PRKACA: variants seen among roughly 807,000 people sequenced by gnomAD.
PRKACA encodes cAMP-dependent protein kinase catalytic subunit alpha.
In PRKACA, 9 loss-of-function variants were observed where a neutral mutation model predicts 45.8. The observed-to-expected ratio is 0.20, with a 90% CI of 0.12 to 0.34. PRKACA has a LOEUF of 0.34. Among genes scored for constraint, PRKACA ranks in the 10% least tolerant of loss-of-function variants. The probability of loss-of-function intolerance (pLI) is 1.00; values close to 1 mark genes in which losing one functional copy is unlikely to be tolerated. For synonymous variants in PRKACA, 160 were observed against 178.6 expected (o/e 0.90, Z 0.83); for missense variants, 238 against 458.6 (o/e 0.52, Z 4.39).
chr19:14,093,851 G>C lies in PRKACA; in HGVS notation c.766-59C>G, dbSNP rs1196571076. ...CTGGTCTGGAACTTGGGAAGCCCAT[G>C]ATGCTTCTTTCTCCATCCAACGGTC... is the stretch of plus-strand genomic sequence containing the variant. On this transcript the variant is annotated intron_variant, in intron 8 of 9. Coordinates refer to ENST00000308677, the MANE Select transcript of PRKACA (RefSeq NM_002730.4). The C allele has an allele frequency of 2.0e-6, 3 of 1,516,654 alleles. No individual in the cohort carries two copies. The African/African-American group carries it at 4.2e-5, about 21-fold the overall frequency. The allele number at this position is 1,516,654 out of a possible 1,614,324, so 93.9% of individuals were successfully genotyped here.
At chr19:14,107,296 G>C in intron 2 of PRKACA, 52 bp downstream of exon 2, 2 of 1,546,194 alleles carry the variant, frequency 1.3e-6, no homozygotes, top group Admixed American at 3.4e-5. Flanking sequence ...ACAGCCAGGG[G>C]CTGGGGGTTA....
At chr19:14,099,429 C>T (rs936932524) in intron 5 of PRKACA, among the ~76,000 whole-genome samples, 13 of 151,392 alleles carry the variant, frequency 8.6e-5, no homozygotes, top group African/African-American at 2.7e-4. Context: ...AGCGTGATCA[C>T]GGCTTATGCA....
intron 3 of PRKACA, among the ~76,000 whole-genome samples, chr19:14,103,845 C>T (rs761063752): frequency 1.3e-5 from 2 of 151,822 alleles, no homozygotes; most frequent in African/African-American, 4.8e-5. Context: ...GCAGGTAAAT[C>T]GCTTGAGCCC....
intron 1 of PRKACA, chr19:14,115,117 G>A (rs1967081231): frequency 2.0e-6 from 2 of 985,340 alleles, no homozygotes; most frequent in Admixed American, 6.1e-5. Context: ...GGAGCCTCTG[G>A]GAGGAAGTAC....
At position 14,109,211 on chromosome 19, in the gene PRKACA, G is replaced by A. The variant is rs901264305; in HGVS notation, c.47-1802C>T. ...AAAATAAAAAAATGAGGCCAGGCAC[G>A]GTGGGTCACACCTATAATCCCAGCA... On this transcript the variant is annotated intron_variant, in intron 1 of 9. Transcript: ENST00000308677. Among the ~76,000 whole-genome samples the A allele has an allele frequency of 2.6e-5, 4 of 151,852 alleles. No individual in the cohort carries two copies. In the East Asian group the frequency reaches 5.9e-4, roughly 22 times the overall value.
chr19:14,099,501 A>G (rs1478411916), intron 5 of PRKACA, among the ~76,000 whole-genome samples: 1 of 150,362 alleles, frequency 6.7e-6, no homozygotes, highest in Non-Finnish European at 1.5e-5. Flanking sequence ...AGGTGGGCTC[A>G]TGCAGTCTTG....
chr19:14,106,958 A>G (rs1284078721), intron 2 of PRKACA, 70 bp from the exon 3 acceptor site: 5 of 1,578,786 alleles, frequency 3.2e-6, no homozygotes, highest in East Asian at 2.3e-5. Flanking sequence ...GGTCTGGGGC[A>G]TCCCCTCTGC....
At chr19:14,107,586 G>C in intron 1 of PRKACA, 177 bp from the exon 2 acceptor site, 1 of 1,304,078 alleles carries the variant, frequency 7.7e-7, no homozygotes, top group Non-Finnish European at 1.0e-6. Flanking sequence ...CCTTGCTACA[G>C]AGAGGTGGGA....
rs766876286 is a variant in PRKACA, at chr19:14,106,901, G to A, written c.109-13C>T. The A allele has an allele frequency of 1.4e-5, 23 of 1,613,894 alleles. No homozygotes were observed. The East Asian group carries it at 5.1e-4, about 36-fold the overall frequency. On this transcript the variant is annotated splice_polypyrimidine_tract_variant and intron_variant, in intron 2 of 9. Coordinates refer to ENST00000308677, the MANE Select transcript of PRKACA (RefSeq NM_002730.4). ...AGTGGGCTGTGTTCTGTGGGCAGAG[G>A]GGTCGGTAGGCTCAGGGCACGCCCT...
chr19:14,102,670 G>C, intron 4 of PRKACA, 146 bp downstream of exon 4: 1 of 710,610 alleles, frequency 1.4e-6, no homozygotes, highest in African/African-American at 1.8e-5. Context: ...CCTGACTCCT[G>C]TCCCCTGATC....
At chr19:14,108,094 TAAC>T in intron 1 of PRKACA, 1 of 985,508 alleles carries the variant, frequency 1.0e-6, no homozygotes, top group Non-Finnish European at 1.2e-6. Context: ...TGTCTCCACT[TAAC>T]AACCCAGGAA....
intron 5 of PRKACA, among the ~76,000 whole-genome samples, chr19:14,099,012 C>T (rs534923829): frequency 3.9e-5 from 6 of 152,088 alleles, no homozygotes; most frequent in Non-Finnish European, 5.9e-5. Flanking sequence ...ACAAGGCCAG[C>T]GCGGTGGCCC....
chr19:14,096,597 G>T (rs1188327128), intron 8 of PRKACA: 2 of 155,242 alleles, frequency 1.3e-5, no homozygotes, highest in African/African-American at 2.4e-5. Context: ...AGGAGATGCT[G>T]GACCAAGTCG....
At chr19:14,095,600 CCT>C (rs1231261407) in intron 8 of PRKACA, among the ~76,000 whole-genome samples, 1 of 152,130 alleles carries the variant, frequency 6.6e-6, no homozygotes, top group Non-Finnish European at 1.5e-5. Context: ...CTCACTACAA[CCT>C]CTGTCTCCCG....
chr19:14,092,762 C>G lies in PRKACA; in HGVS notation c.*350G>C, dbSNP rs1043796628. The G allele has an allele frequency of 1.2e-5, 5 of 419,744 alleles. No individual in the cohort carries two copies. The highest frequency in any genetic ancestry group is 1.8e-4 in the South Asian group (2 of 11,338). The allele number at this position is 419,744 out of a possible 1,614,324, so 26.0% of individuals were successfully genotyped here. A position where few individuals can be genotyped will look rare whatever the true frequency, so the allele number is the denominator to read the frequency against. ...AAGCGTGAGCCCCTCTTTCCATACC[C>G]TGTCCCTGGATACACCAGCAAGACC... On this transcript the variant is annotated 3_prime_UTR_variant, in exon 10 of 10. Transcript: ENST00000308677.
Position 14,093,048 on chromosome 19 carries a change from C to A in PRKACA, c.*64G>T. The A allele has an allele frequency of 1.5e-6, 1 of 686,944 alleles. No individual in the cohort carries two copies. Among genetic ancestry groups the A allele is most frequent in the Non-Finnish European group, 2.2e-6 (1 of 457,086 alleles). The allele number at this position is 686,944 out of a possible 1,614,324, so 42.6% of individuals were successfully genotyped here. ...CCTCTGGCTGTTCAATCCAACCCTC[C>A]CACCCCCCCGACCAAAAAAAAGAAA... On this transcript the variant is annotated 3_prime_UTR_variant, in exon 10 of 10. Coordinates refer to ENST00000308677, the MANE Select transcript of PRKACA (RefSeq NM_002730.4).
At chr19:14,109,061 G>T (rs1415344786) in intron 1 of PRKACA, among the ~76,000 whole-genome samples, 3 of 151,184 alleles carry the variant, frequency 2.0e-5, no homozygotes, top group African/African-American at 7.3e-5. Context: ...AAAATATGGG[G>T]AGAGAGGCTG....
intron 1 of PRKACA, among the ~76,000 whole-genome samples, chr19:14,116,444 C>G (rs553602716): frequency 1.3e-5 from 2 of 152,294 alleles, no homozygotes; most frequent in East Asian, 3.9e-4. Flanking sequence ...CTCTCTTTGA[C>G]TGCCTCCTCC....
chr19:14,103,915 G>A (rs1977520313), intron 3 of PRKACA, among the ~76,000 whole-genome samples: 1 of 151,726 alleles, frequency 6.6e-6, no homozygotes, highest in Non-Finnish European at 1.5e-5. Context: ...ACAACAACAA[G>A]GACAACAAAA....
Sources: allele counts gnomAD v4.1 joint callset (sites outside exome capture counted in the v4.1 genomes callset), GRCh38; gene constraint gnomAD v4.1.1; transcripts MANE v1.5; gene names NCBI Gene and HGNC (gene_info 2026-07-23, HGNC 2026-07-21).